Variants in TBC1D10A observed in about 807,000 individuals in gnomAD.
The protein encoded by TBC1D10A is EBP50-PDX interactor of 64 kDa.
Under a neutral mutation model 52.9 loss-of-function variants are expected in TBC1D10A, and 24 were observed. The observed-to-expected ratio is 0.45, with a 90% CI of 0.33 to 0.64. The LOEUF (loss-of-function observed/expected upper bound fraction) is 0.64. TBC1D10A is among the 30% of genes least tolerant of loss of function. The pLI, the probability that TBC1D10A is intolerant of heterozygous loss-of-function variation, is 0.02. For synonymous variants in TBC1D10A, 278 were observed against 282.9 expected, an observed-to-expected ratio of 0.98 and a Z score of 0.17; for missense variants, 602 against 687.9, an observed-to-expected ratio of 0.88 and a Z score of 1.40.
intron 1 of TBC1D10A, among the ~76,000 whole-genome samples, chr22:30,315,302 T>C (rs1930512798): frequency 6.6e-6 from 1 of 152,230 alleles, no homozygotes; most frequent in African/African-American, 2.4e-5. Flanking sequence ...ACTCGAATTG[T>C]GAGAGCCGCC....
chr22:30,322,232 C>T (rs542799213), intron 1 of TBC1D10A, among the ~76,000 whole-genome samples: 8 of 152,022 alleles, frequency 5.3e-5, no homozygotes, highest in Non-Finnish European at 8.8e-5. Context: ...CTGCCCACCT[C>T]GGCCTCCTAA....
At position 30,292,653 on chromosome 22, in the gene TBC1D10A, G is replaced by T; in HGVS notation, c.1249C>A (p.Pro417Thr). 2 of 1,610,830 alleles carry T rather than the reference G, an allele frequency of 1.2e-6. No individual in the cohort carries two copies. Residue 417 changes from proline to threonine, a missense_variant, in exon 9 of 9, where the codon CCC becomes ACC. Coordinates refer to ENST00000215790, the MANE Select transcript of TBC1D10A (RefSeq NM_031937.3). ...GGCTTGGCTTTGGAGCCAGGGAGGG[G>T]GGCATCTAGGGGCAGGCGGATGGAT... is the stretch of plus-strand genomic sequence containing the variant. ...SPSIRLPLDA[P>T]LPGSKAKPKP... is the part of the protein sequence containing the mutation.
At chr22:30,293,299 G>T (rs373249558) in intron 8 of TBC1D10A, 123 of 605,880 alleles carry the variant, frequency 2.0e-4, no homozygotes, top group South Asian at 1.8e-3. Context: ...AGCTGGTCAC[G>T]CATGTTCCAC....
intron 2 of TBC1D10A, among the ~76,000 whole-genome samples, chr22:30,303,258 G>A (rs1161686804): frequency 6.6e-6 from 1 of 152,200 alleles, no homozygotes; most frequent in East Asian, 1.9e-4. Context: ...CAGCCTGGGT[G>A]ACAGAGTGAG....
In TBC1D10A at chr22:30,292,052, C is replaced by A. The variant is rs1569157752; in HGVS notation, c.*323G>T. The A allele has an allele frequency of 3.1e-6, 1 of 320,066 alleles. No homozygotes were observed. Among genetic ancestry groups the A allele is most frequent in the Non-Finnish European group, 5.7e-6 (1 of 175,396 alleles). The allele number at this position is 320,066 out of a possible 1,614,324, so 19.8% of individuals were successfully genotyped here. A position where few individuals can be genotyped will look rare whatever the true frequency, so the allele number is the denominator to read the frequency against. ...GTTTCTATTTTACACAAAGAACACCCCACCCTTTCCCCTCACACCAGCACC... is the reference window on the plus strand; with the variant it reads ...GTTTCTATTTTACACAAAGAACACCACACCCTTTCCCCTCACACCAGCACC... On this transcript the variant is annotated 3_prime_UTR_variant, in exon 9 of 9. Coordinates refer to ENST00000215790, the MANE Select transcript of TBC1D10A (RefSeq NM_031937.3).
rs541029219 is a variant in TBC1D10A, at chr22:30,302,059, C to T, written c.309+2472G>A. On this transcript the variant is annotated intron_variant, in intron 2 of 8. Transcript: ENST00000215790. ...CATCACAGCCCCCATCATATTTGGC[C>T]TTCTCCAGGAGAGCCCTGGAACACT... 1.1e-4 allele frequency among the ~76,000 whole-genome samples: 16 copies of T among 152,306 alleles called. No individual in the cohort carries two copies. In the South Asian group the frequency reaches 3.3e-3, roughly 32 times the overall value.
intron 1 of TBC1D10A, among the ~76,000 whole-genome samples, chr22:30,310,558 T>C (rs1930403889): frequency 6.6e-6 from 1 of 152,164 alleles, no homozygotes; most frequent in Non-Finnish European, 1.5e-5. Flanking sequence ...TTCCAGTTCC[T>C]CATCTGTAAC....
In TBC1D10A at chr22:30,295,040, G is replaced by A. The variant is rs1254128792; in HGVS notation, c.540C>T (p.Phe180=). The A allele has an allele frequency of 6.2e-7, 1 of 1,613,842 alleles. No homozygotes were observed. The highest frequency in any genetic ancestry group is 8.5e-7 in the Non-Finnish European group (1 of 1,180,022). ...SRGGHGQQDL[F]RVLKAYTLYR... ...ACAGCGTGTAGGCCTTCAGCACACG[G>A]AATAGGTCCTGCTGGCTGTGGAGAG... Residue 180 remains phenylalanine, a synonymous_variant, in exon 5 of 9, where the codon TTC becomes TTT. Coordinates refer to ENST00000215790, the MANE Select transcript of TBC1D10A (RefSeq NM_031937.3).
intron 2 of TBC1D10A, among the ~76,000 whole-genome samples, chr22:30,303,305 A>G (rs1436194367): frequency 1.3e-5 from 2 of 150,548 alleles, no homozygotes; most frequent in African/African-American, 4.9e-5. Flanking sequence ...AGATAGATAG[A>G]TAGACAGACA....
chr22:30,324,360 C>T (rs922731832), intron 1 of TBC1D10A, among the ~76,000 whole-genome samples: 1 of 152,192 alleles, frequency 6.6e-6, no homozygotes, highest in Non-Finnish European at 1.5e-5. Context: ...AAGTAGGGAA[C>T]ATCGAAGCTT....
At chr22:30,311,788 C>A (rs1478892873) in intron 1 of TBC1D10A, among the ~76,000 whole-genome samples, 1 of 152,118 alleles carries the variant, frequency 6.6e-6, no homozygotes, top group Non-Finnish European at 1.5e-5. Context: ...AAGCAGCTCT[C>A]CCTGACAACT....
At chr22:30,293,541 G>T in intron 8 of TBC1D10A, 110 bp downstream of exon 8, 1 of 1,455,334 alleles carries the variant, frequency 6.9e-7, no homozygotes, top group Non-Finnish European at 9.4e-7. Context: ...CCTAGCAATG[G>T]TCCTGGCATA....
intron 1 of TBC1D10A, among the ~76,000 whole-genome samples, chr22:30,310,293 G>A (rs1930398956): frequency 6.6e-6 from 1 of 152,180 alleles, no homozygotes; most frequent in Admixed American, 6.5e-5. Flanking sequence ...GCCAGCAAAT[G>A]GTAGCTATTA....
At chr22:30,317,271 G>C (rs1278424041) in intron 1 of TBC1D10A, among the ~76,000 whole-genome samples, 1 of 152,134 alleles carries the variant, frequency 6.6e-6, no homozygotes, top group African/African-American at 2.4e-5. Flanking sequence ...AGCCGGGCAT[G>C]GTGGTGGGCA....
At position 30,292,064 on chromosome 22, in the gene TBC1D10A, C is replaced by A; in HGVS notation, c.*311G>T. 1 of 346,098 alleles carries A rather than the reference C, an allele frequency of 2.9e-6. No individual in the cohort carries two copies. Among genetic ancestry groups the A allele is most frequent in the Admixed American group, 4.4e-5 (1 of 22,886 alleles). The allele number at this position is 346,098 out of a possible 1,614,324, so 21.4% of individuals were successfully genotyped here. ...CACAAAGAACACCCCACCCTTTCCC[C>A]TCACACCAGCACCCTAACCCTGGGG... On this transcript the variant is annotated 3_prime_UTR_variant, in exon 9 of 9. Coordinates refer to ENST00000215790, the MANE Select transcript of TBC1D10A (RefSeq NM_031937.3).
chr22:30,326,888 C>G lies in TBC1D10A; in HGVS notation c.-7G>C. 6.8e-7 allele frequency: 1 copy of G among 1,475,460 alleles called. No homozygotes were observed. The highest frequency in any genetic ancestry group is 1.5e-5 in the African/African-American group (1 of 68,172). 91.4% of individuals were successfully genotyped at this position (1,475,460 alleles called of 1,614,324 possible). A position where few individuals can be genotyped will look rare whatever the true frequency, so the allele number is the denominator to read the frequency against. On this transcript the variant is annotated 5_prime_UTR_variant, in exon 1 of 9. Coordinates refer to ENST00000215790, the MANE Select transcript of TBC1D10A (RefSeq NM_031937.3). ...CTCCGTTGCTCTTCGCCATCCCAGCCGCGCCCGCCGCCTGAGCTCCAGCGG... is the reference window on the plus strand; with the variant it reads ...CTCCGTTGCTCTTCGCCATCCCAGCGGCGCCCGCCGCCTGAGCTCCAGCGG...
intron 3 of TBC1D10A, chr22:30,296,044 G>T (rs1326840477): frequency 3.4e-6 from 2 of 585,144 alleles, no homozygotes; most frequent in Non-Finnish European, 6.1e-6. Context: ...GGGCAAGGAG[G>T]GAAGGGCCCT....
At chr22:30,298,005 C>T (rs1324476888) in intron 3 of TBC1D10A, 1 of 152,354 alleles carries the variant, frequency 6.6e-6, no homozygotes, top group African/African-American at 2.4e-5. Context: ...TGCAAATCCA[C>T]CTCCTCACAC....
chr22:30,316,416 C>T (rs544565901), intron 1 of TBC1D10A, among the ~76,000 whole-genome samples: 3 of 151,596 alleles, frequency 2.0e-5, no homozygotes, highest in Admixed American at 6.6e-5. Flanking sequence ...CCTGAACTTG[C>T]GTGGTACCAC....
Sources: gnomAD v4.1 joint callset for allele counts (sites outside exome capture counted in the v4.1 genomes callset) on GRCh38, gnomAD v4.1.1 for gene constraint, MANE v1.5 for transcripts, NCBI Gene and HGNC (gene_info 2026-07-23, HGNC 2026-07-21) for gene names.